NPHP4: variants seen among roughly 807,000 people sequenced by gnomAD.
The protein encoded by NPHP4 is nephrocystin-4.
NPHP4 carries 151 observed loss-of-function variants against 155.8 expected under a neutral mutation model. The observed-to-expected ratio is 0.97, with a 90% CI of 0.85 to 1.11. The LOEUF (loss-of-function observed/expected upper bound fraction) is 1.11, where lower values mean the gene tolerates loss of function less well. Ranked by LOEUF, NPHP4 falls within the 50% of genes least tolerant of loss-of-function variation. NPHP4 has a pLI of 0.00. For synonymous variants in NPHP4, 845 were observed against 816.8 expected, an observed-to-expected ratio of 1.03 and a Z score of -0.59; for missense variants, 1,956 against 1,925.7, an observed-to-expected ratio of 1.02 and a Z score of -0.29.
In NPHP4 at chr1:5,867,254, C is replaced by T. The variant is rs1416046335; in HGVS notation, c.3473-139G>A. ...AGACACCTGCTGGGGAAACGGACGC[C>T]GCCACCTTTCCCAGGACAGCATCCA... On this transcript the variant is annotated intron_variant, in intron 24 of 29. Coordinates refer to ENST00000378156, the MANE Select transcript of NPHP4 (RefSeq NM_015102.5). The surrounding 1 kb of genome is among the most constrained non-coding windows in gnomAD (Gnocchi z 4.1). 2.5e-5 allele frequency: 16 copies of T among 641,254 alleles called. No homozygotes were observed. Among genetic ancestry groups the T allele is most frequent in the Middle Eastern group, 5.1e-4 (2 of 3,944 alleles). 39.7% of individuals were successfully genotyped at this position (641,254 alleles called of 1,614,324 possible).
In NPHP4 at chr1:5,867,662, TC is replaced by T; in HGVS notation, c.3472+77del. 1 of 1,461,180 alleles carries T rather than the reference TC, an allele frequency of 6.8e-7. No individual in the cohort carries two copies. Among genetic ancestry groups the T allele is most frequent in the South Asian group, 1.2e-5 (1 of 83,810 alleles). 90.5% of individuals were successfully genotyped at this position (1,461,180 alleles called of 1,614,324 possible). A position where few individuals can be genotyped will look rare whatever the true frequency, so the allele number is the denominator to read the frequency against. On this transcript the variant is annotated intron_variant, in intron 24 of 29. Transcript: ENST00000378156. The surrounding 1 kb of genome is among the most constrained non-coding windows in gnomAD (Gnocchi z 4.1). ...ACCAGGGCATGAAGCCATGAGGCCA[TC>T]TGTCACCCTCAAGAGGTATCTACTT...
chr1:5,863,780 T>C, intron 29 of NPHP4, 110 bp downstream of exon 29: 2 of 1,242,076 alleles, frequency 1.6e-6, no homozygotes, highest in Non-Finnish European at 2.3e-6. Flanking sequence ...CCTGGGGCTT[T>C]TGGAAGACTG....
chr1:5,920,360 CG>C (rs1037410915), intron 11 of NPHP4, among the ~76,000 whole-genome samples: 11 of 152,190 alleles, frequency 7.2e-5, no homozygotes, highest in African/African-American at 2.7e-4. Flanking sequence ...TGCGCCCAGC[CG>C]GGGTTAGCTG....
At position 5,865,179 on chromosome 1, in the gene NPHP4, G is replaced by A. The variant is rs377686745; in HGVS notation, c.3739C>T (p.Arg1247Cys). The A allele has an allele frequency of 1.9e-5, 31 of 1,612,828 alleles. No homozygotes were observed. Among genetic ancestry groups the A allele is most frequent in the African/African-American group, 1.7e-4 (13 of 74,940 alleles). ...GTCCCCCGAAGGACAAGGGACAGGCGGGTCAGCTGGCCTGCGACGCAGGAG... is the reference window on the plus strand; with the variant it reads ...GTCCCCCGAAGGACAAGGGACAGGCAGGTCAGCTGGCCTGCGACGCAGGAG... ...DVSCVAGQLT[R>C]LSLVLRGTQT... The change falls in exon 27 of 30, where the codon CGC becomes TGC. Residue 1247 changes from arginine to cysteine, a missense_variant. Arg to Cys is a radical substitution (Grantham distance 180, BLOSUM62 -3). Transcript: ENST00000378156.
chr1:5,905,416 C>T lies in NPHP4; in HGVS notation c.1831G>A (p.Asp611Asn), dbSNP rs1644866434. The change falls in exon 15 of 30, where the codon GAT (aspartate) becomes AAT (asparagine). Residue 611 changes from aspartate (D) to asparagine (N), a missense_variant. Asp to Asn is a conservative substitution (Grantham distance 23). Coordinates refer to ENST00000378156, the MANE Select transcript of NPHP4 (RefSeq NM_015102.5). This position sits in a 1 kb window ranked among gnomAD's most constrained non-coding sequence, Gnocchi z 4.0. ...GCCTCGGCTGGCTGTTTATTGGCAT[C>T]CAGAATCTCGGGAAAGCCGGAGGAC... ...LQSSGFPEIL[D>N]ANKQPAEAVS... is the part of the protein sequence containing the mutation. The T allele has an allele frequency of 1.9e-6, 3 of 1,612,852 alleles. No individual in the cohort carries two copies. Among genetic ancestry groups the T allele is most frequent in the Non-Finnish European group, 2.5e-6 (3 of 1,178,922 alleles).
At chr1:5,895,982 C>T (rs980311162) in intron 16 of NPHP4, among the ~76,000 whole-genome samples, 2 of 152,174 alleles carry the variant, frequency 1.3e-5, no homozygotes, top group Non-Finnish European at 2.9e-5. Context: ...GCACAGGCGA[C>T]GTCTGCGCAG....
rs1643890265 is a variant in NPHP4 at position 5,887,593 on chromosome 1, G to C, written c.2305-127C>G. The C allele has an allele frequency of 9.4e-6, 9 of 959,132 alleles. No individual in the cohort carries two copies. The South Asian group carries it at 1.5e-4, about 16-fold the overall frequency. The allele number at this position is 959,132 out of a possible 1,614,324, so 59.4% of individuals were successfully genotyped here. The stretch of plus-strand genomic sequence containing the variant: ...TGTGGGCGGGAGGGGGTGTGCGCAG[G>C]ATAAGACCCTGCACCACGCTGGGGG... On this transcript the variant is annotated intron_variant, in intron 17 of 29. Transcript: ENST00000378156.
intron 3 of NPHP4, among the ~76,000 whole-genome samples, chr1:5,970,740 C>G (rs1652410093): frequency 6.6e-6 from 1 of 152,154 alleles, no homozygotes; most frequent in Non-Finnish European, 1.5e-5. Flanking sequence ...ATGACTTAAA[C>G]TTGGAATAAT....
intron 6 of NPHP4, among the ~76,000 whole-genome samples, chr1:5,955,427 C>T (rs1449934957): frequency 1.3e-5 from 2 of 152,226 alleles, no homozygotes; most frequent in African/African-American, 2.4e-5. Context: ...AAAGAGATAT[C>T]GCCACTCCCA....
At position 5,880,206 on chromosome 1, in the gene NPHP4, C is replaced by T. The variant is rs147588666; in HGVS notation, c.2519G>A (p.Ser840Asn). The T allele has an allele frequency of 2.5e-4, 404 of 1,613,694 alleles. 1 individual carries two copies. In the African/African-American group the frequency reaches 4.5e-3, roughly 18 times the overall value. The change falls in exon 19 of 30, where the codon AGC (serine) becomes AAC (asparagine). Residue 840 changes from serine (S) to asparagine (N), a missense_variant. Transcript: ENST00000378156. ...HPCEQKVRGC[S>N]TLPPSRSRVI... ...CCGAGATCTGGACGGTGGCAATGTG[C>T]TACAACCTCTCACTTTCTGTTCACA...
chr1:5,977,299 C>A (rs1653784158), intron 3 of NPHP4, among the ~76,000 whole-genome samples: 1 of 152,072 alleles, frequency 6.6e-6, no homozygotes, highest in African/African-American at 2.4e-5. Context: ...CTGGGCTCTC[C>A]TCTCGTCCTA....
At chr1:5,908,100 G>A (rs909283153) in intron 12 of NPHP4, among the ~76,000 whole-genome samples, 10 of 152,214 alleles carry the variant, frequency 6.6e-5, no homozygotes, top group Non-Finnish European at 1.5e-4. Flanking sequence ...AAGAGGCACT[G>A]AGGAATGAAT....
In NPHP4 at chr1:5,877,216, G is replaced by T. The variant is rs2100676429; in HGVS notation, c.2694C>A (p.Gly898=). 1.9e-6 allele frequency: 3 copies of T among 1,607,356 alleles called. No homozygotes were observed. Among genetic ancestry groups the T allele is most frequent in the Non-Finnish European group, 2.6e-6 (3 of 1,176,350 alleles). ...AAMLLTHARQ[G]KGPQDVSRES... The stretch of plus-strand genomic sequence containing the variant: ...CGCGGCTGACGTCCTGGGGCCCCTT[G>T]CCCTGCCGGGCATGGGTCAGTAGCA... Residue 898 remains glycine, a synonymous_variant, in exon 20 of 30, where the codon GGC becomes GGA. Coordinates refer to ENST00000378156, the MANE Select transcript of NPHP4 (RefSeq NM_015102.5).
intron 2 of NPHP4, among the ~76,000 whole-genome samples, chr1:5,982,100 G>C (rs952113165): frequency 6.6e-6 from 1 of 151,194 alleles, no homozygotes; most frequent in African/African-American, 2.4e-5. Flanking sequence ...CTGGTAGTCT[G>C]TGTTTTCTTT....
At chr1:5,985,358 G>A (rs1461760354) in intron 2 of NPHP4, among the ~76,000 whole-genome samples, 1 of 152,230 alleles carries the variant, frequency 6.6e-6, no homozygotes, top group Non-Finnish European at 1.5e-5. Flanking sequence ...CAGCACAGAA[G>A]CACCAGCTTG....
Position 5,887,247 on chromosome 1 carries a change from C to T in NPHP4, c.2485+39G>A, listed in dbSNP as rs377252710. ...CCCACACTCTACCAGAGGGGTTGGG[C>T]GGCCGCTGGAGAAATGGCACAAGGC... is the stretch of plus-strand genomic sequence containing the variant. On this transcript the variant is annotated intron_variant, in intron 18 of 29. Transcript: ENST00000378156. The T allele has an allele frequency of 5.2e-5, 81 of 1,568,988 alleles. No homozygotes were observed. The East Asian group carries it at 8.6e-4, about 17-fold the overall frequency.
At chr1:5,904,364 G>A (rs1249516702) in intron 16 of NPHP4, among the ~76,000 whole-genome samples, 3 of 152,158 alleles carry the variant, frequency 2.0e-5, no homozygotes, top group Admixed American at 2.0e-4. Context: ...ATATACATAA[G>A]GAAATATTCA....
intron 6 of NPHP4, among the ~76,000 whole-genome samples, chr1:5,959,002 T>C (rs1649792214): frequency 7.1e-6 from 1 of 140,440 alleles, no homozygotes; most frequent in South Asian, 2.4e-4. Flanking sequence ...GCTGGGCAAA[T>C]TGTGTTTCTC....
chr1:5,987,665 G>A (rs1025410861), intron 1 of NPHP4, among the ~76,000 whole-genome samples: 7 of 152,162 alleles, frequency 4.6e-5, no homozygotes, highest in Admixed American at 2.0e-4. Flanking sequence ...TTTGTGAGAC[G>A]AAATGGAAAA....
Sources: allele counts gnomAD v4.1 joint callset (sites outside exome capture counted in the v4.1 genomes callset), GRCh38; gene constraint gnomAD v4.1.1; non-coding constraint Gnocchi (gnomAD v3.1); transcripts MANE v1.5; gene names NCBI Gene and HGNC (gene_info 2026-07-23, HGNC 2026-07-21).